The following ST6GALNAC3 variants were observed in gnomAD, a reference collection of about 807,000 sequenced individuals.
ST6GALNAC3 encodes the protein alpha-N-acetylgalactosaminide alpha-2,6-sialyltransferase 3.
In ST6GALNAC3, 25 loss-of-function variants were observed where a neutral mutation model predicts 32.7. That is an observed-to-expected ratio of 0.76 (90% CI 0.56 to 1.07). ST6GALNAC3 has a LOEUF of 1.07. Among genes scored for constraint, ST6GALNAC3 ranks in the 50% least tolerant of loss-of-function variants. The probability of loss-of-function intolerance (pLI) is 0.00; values close to 1 mark genes in which losing one functional copy is unlikely to be tolerated. For synonymous variants in ST6GALNAC3, 129 were observed against 133.1 expected, an observed-to-expected ratio of 0.97 and a Z score of 0.21; for missense variants, 355 against 382.4, an observed-to-expected ratio of 0.93 and a Z score of 0.60.
chr1:76,342,971 T>C (rs1648181509), intron 2 of ST6GALNAC3, among the ~76,000 whole-genome samples: 1 of 152,200 alleles, frequency 6.6e-6, no homozygotes, highest in Non-Finnish European at 1.5e-5. Flanking sequence ...ATTCTGGATA[T>C]TAGCCCTTTG....
chr1:76,536,248 G>A (rs1309762081), intron 3 of ST6GALNAC3, among the ~76,000 whole-genome samples: 1 of 152,052 alleles, frequency 6.6e-6, no homozygotes, highest in Non-Finnish European at 1.5e-5. Flanking sequence ...AAACACTGGA[G>A]TAAATTATAA....
chr1:76,502,322 C>G (rs1337239928), intron 3 of ST6GALNAC3, among the ~76,000 whole-genome samples: 2 of 152,164 alleles, frequency 1.3e-5, no homozygotes, highest in Non-Finnish European at 2.9e-5. Context: ...TTTGAGGTAA[C>G]TATTATTATT....
intron 1 of ST6GALNAC3, among the ~76,000 whole-genome samples, chr1:76,209,332 G>A (rs1655008939): frequency 6.6e-6 from 1 of 152,200 alleles, no homozygotes; most frequent in Non-Finnish European, 1.5e-5. Context: ...GGCTTCATAA[G>A]CTCTGGCTTT....
chr1:76,380,021 T>A (rs1651577934), intron 2 of ST6GALNAC3, among the ~76,000 whole-genome samples: 1 of 151,852 alleles, frequency 6.6e-6, no homozygotes, highest in African/African-American at 2.4e-5. Flanking sequence ...AAGAAGCAAA[T>A]AAATAAAGAA....
intron 3 of ST6GALNAC3, among the ~76,000 whole-genome samples, chr1:76,612,540 C>A (rs564090182): frequency 2.0e-5 from 3 of 152,248 alleles, no homozygotes; most frequent in South Asian, 4.1e-4. Context: ...GCCATTCACT[C>A]TCTAACATAT....
intron 3 of ST6GALNAC3, among the ~76,000 whole-genome samples, chr1:76,553,403 G>C (rs946872115): frequency 1.3e-5 from 2 of 152,178 alleles, no homozygotes; most frequent in Admixed American, 6.5e-5. Context: ...AAATCGATCA[G>C]CCAAGAATTT....
chr1:76,472,775 CA>C (rs1448574157), intron 3 of ST6GALNAC3, among the ~76,000 whole-genome samples: 1 of 152,066 alleles, frequency 6.6e-6, no homozygotes, highest in Non-Finnish European at 1.5e-5. Context: ...CGTGCGAAGA[CA>C]GCAAGTTGAG....
At chr1:76,382,741 A>C (rs947889659) in intron 2 of ST6GALNAC3, among the ~76,000 whole-genome samples, 2 of 152,216 alleles carry the variant, frequency 1.3e-5, no homozygotes, top group South Asian at 4.1e-4. Context: ...TATAAATAAA[A>C]AGGAAAAATA....
chr1:76,304,948 A>T (rs1660955402), intron 1 of ST6GALNAC3, among the ~76,000 whole-genome samples: 1 of 152,052 alleles, frequency 6.6e-6, no homozygotes, highest in South Asian at 2.1e-4. Context: ...AGCCACATAC[A>T]ACCAATGAAG....
intron 2 of ST6GALNAC3, among the ~76,000 whole-genome samples, chr1:76,409,838 A>G (rs1654095071): frequency 6.6e-6 from 1 of 152,150 alleles, no homozygotes. Flanking sequence ...CATTTTGTCC[A>G]TTCTTTTTAG....
intron 1 of ST6GALNAC3, among the ~76,000 whole-genome samples, chr1:76,097,052 A>T (rs1647146112): frequency 6.6e-6 from 1 of 151,606 alleles, no homozygotes; most frequent in African/African-American, 2.4e-5. Flanking sequence ...CCAAGTAGCT[A>T]GGACTACAGG....
At chr1:76,328,217 C>T (rs1647117083) in intron 2 of ST6GALNAC3, among the ~76,000 whole-genome samples, 1 of 152,150 alleles carries the variant, frequency 6.6e-6, no homozygotes, top group Non-Finnish European at 1.5e-5. Context: ...TCAGACTGGC[C>T]TTACTTCCTT....
intron 3 of ST6GALNAC3, among the ~76,000 whole-genome samples, chr1:76,481,546 G>T (rs11162164): frequency 0.21 from 32,524 of 152,040 alleles, 4,926 homozygotes; most frequent in African/African-American, 0.43. Context: ...TCCACATTCT[G>T]GAGTTTCTTT....
chr1:76,521,167 C>T (rs889332081), intron 3 of ST6GALNAC3, among the ~76,000 whole-genome samples: 4 of 151,892 alleles, frequency 2.6e-5, no homozygotes, highest in Admixed American at 1.3e-4. Context: ...AGGATACAAC[C>T]TTATAACACT....
intron 1 of ST6GALNAC3, among the ~76,000 whole-genome samples, chr1:76,211,293 C>T (rs983734426): frequency 3.3e-5 from 5 of 152,140 alleles, no homozygotes; most frequent in African/African-American, 1.2e-4. Flanking sequence ...ACAACAGGTG[C>T]TGGAGAGGAT....
intron 1 of ST6GALNAC3, among the ~76,000 whole-genome samples, chr1:76,272,647 C>T (rs1450980643): frequency 6.6e-6 from 1 of 152,144 alleles, no homozygotes; most frequent in African/African-American, 2.4e-5. Context: ...ACTGGTGTAG[C>T]GTGATGGGTC....
At position 76,272,366 on chromosome 1, in the gene ST6GALNAC3, A is replaced by G. The variant is rs12022595; in HGVS notation, c.19-41439A>G. On this transcript the variant is annotated intron_variant, in intron 1 of 4. Coordinates refer to ENST00000328299, the MANE Select transcript of ST6GALNAC3 (RefSeq NM_152996.4). Reference sequence around the variant, plus strand: ...AAAAATTAAAACACCGTTCAAGCCAAATTATATCTGTAAAGTCAGCCTATG... The same window carrying G: ...AAAAATTAAAACACCGTTCAAGCCAGATTATATCTGTAAAGTCAGCCTATG... Among the ~76,000 whole-genome samples the G allele has an allele frequency of 4.3e-3, 651 of 152,020 alleles. 25 individuals are homozygous for G. In the East Asian group the frequency reaches 0.1, roughly 23 times the overall value.
intron 3 of ST6GALNAC3, among the ~76,000 whole-genome samples, chr1:76,568,574 A>G (rs1665687971): frequency 6.6e-6 from 1 of 152,216 alleles, no homozygotes; most frequent in South Asian, 2.1e-4. Flanking sequence ...TGCATGGATT[A>G]ACACCTACTT....
intron 3 of ST6GALNAC3, among the ~76,000 whole-genome samples, chr1:76,477,386 G>A (rs959067986): frequency 6.6e-6 from 1 of 152,172 alleles, no homozygotes; most frequent in African/African-American, 2.4e-5. Context: ...CTGGCCCCAG[G>A]CCCTAAACAG....
Sources: allele counts gnomAD v4.1 joint callset (sites outside exome capture counted in the v4.1 genomes callset), GRCh38; gene constraint gnomAD v4.1.1; transcripts MANE v1.5; gene names NCBI Gene and HGNC (gene_info 2026-07-23, HGNC 2026-07-21).